PTCSC3: variants seen among roughly 807,000 people sequenced by gnomAD.
PTCSC3 encodes the protein papillary thyroid carcinoma susceptibility candidate 3 (non-protein coding).
chr14:36,168,341 G>C (rs191972667), intron 1 of PTCSC3, among the ~76,000 whole-genome samples: 3 of 139,444 alleles, frequency 2.2e-5, no homozygotes, highest in Non-Finnish European at 4.5e-5. Context: ...ATTATTGGGA[G>C]TTTAAACTAT....
intron 3 of PTCSC3, among the ~76,000 whole-genome samples, chr14:36,139,030 C>T (rs1160484614): frequency 6.7e-6 from 1 of 149,664 alleles, no homozygotes; most frequent in Non-Finnish European, 1.5e-5. Flanking sequence ...AGGAGAATGG[C>T]GTGAACCCAG....
intron 3 of PTCSC3, among the ~76,000 whole-genome samples, chr14:36,149,762 C>T (rs1300322502): frequency 6.6e-6 from 1 of 152,162 alleles, no homozygotes; most frequent in Non-Finnish European, 1.5e-5. Context: ...TATCTGAAAT[C>T]AACGTAGCTT....
At chr14:36,154,102 A>G (rs1881780021) in intron 2 of PTCSC3, among the ~76,000 whole-genome samples, 1 of 151,706 alleles carries the variant, frequency 6.6e-6, no homozygotes, top group Non-Finnish European at 1.5e-5. Context: ...ATATTAAGTG[A>G]GCGGAGACAG....
At chr14:36,155,661 T>G (rs1002388592) in intron 2 of PTCSC3, among the ~76,000 whole-genome samples, 13 of 152,252 alleles carry the variant, frequency 8.5e-5, no homozygotes, top group African/African-American at 2.4e-4. Flanking sequence ...TAAATTTGCT[T>G]GATTGAAAAT....
intron 1 of PTCSC3, among the ~76,000 whole-genome samples, chr14:36,170,504 G>A (rs1882171739): frequency 6.6e-6 from 1 of 151,992 alleles, no homozygotes; most frequent in African/African-American, 2.4e-5. Flanking sequence ...TTATATTACT[G>A]TAAGCATGCC....
chr14:36,167,079 G>A (rs771949086), intron 1 of PTCSC3, among the ~76,000 whole-genome samples: 2 of 152,076 alleles, frequency 1.3e-5, no homozygotes, highest in Non-Finnish European at 2.9e-5. Context: ...TTCTATGGCC[G>A]AGAAGGTCAA....
chr14:36,165,019 G>T (rs1169149), intron 1 of PTCSC3: 97,692 of 151,982 alleles, frequency 0.64, 32,074 homozygotes, highest in Non-Finnish European at 0.71. Flanking sequence ...GAAGTAACCT[G>T]GGGGTATCCG....
intron 3 of PTCSC3, among the ~76,000 whole-genome samples, chr14:36,141,224 T>C (rs1249781478): frequency 6.6e-6 from 1 of 152,224 alleles, no homozygotes; most frequent in East Asian, 1.9e-4. Flanking sequence ...CTGAGTGTTT[T>C]GTTTTTCCAT....
At chr14:36,154,800 G>A (rs2139100606) in intron 2 of PTCSC3, among the ~76,000 whole-genome samples, 1 of 152,272 alleles carries the variant, frequency 6.6e-6, no homozygotes, top group South Asian at 2.1e-4. Flanking sequence ...GGTTCCCTTT[G>A]GGATATCCAA....
chr14:36,168,710 G>A, intron 1 of PTCSC3, among the ~76,000 whole-genome samples: 1 of 152,012 alleles, frequency 6.6e-6, no homozygotes, highest in East Asian at 1.9e-4. Context: ...CAAACTCCTG[G>A]GCTTAAGTAA....
At chr14:36,165,523 ATCCCTTGTTTGC>A (rs1882068584) in intron 1 of PTCSC3, among the ~76,000 whole-genome samples, 1 of 151,994 alleles carries the variant, frequency 6.6e-6, no homozygotes, top group African/African-American at 2.4e-5. Flanking sequence ...TTAAAAATAA[ATCCCTTGTTTGC>A]AATCTATAAA....
At chr14:36,166,200 G>T (rs1005077510) in intron 1 of PTCSC3, among the ~76,000 whole-genome samples, 2 of 152,298 alleles carry the variant, frequency 1.3e-5, no homozygotes, top group Non-Finnish European at 2.9e-5. Context: ...ATATGTGAAA[G>T]TATTCTAGGC....
intron 3 of PTCSC3, among the ~76,000 whole-genome samples, chr14:36,152,777 C>T (rs1881750662): frequency 6.6e-6 from 1 of 151,768 alleles, no homozygotes; most frequent in African/African-American, 2.4e-5. Flanking sequence ...ACCTGTAATC[C>T]CAGCTACTTG....
At chr14:36,141,510 G>A (rs534539902) in intron 3 of PTCSC3, among the ~76,000 whole-genome samples, 6 of 151,706 alleles carry the variant, frequency 4.0e-5, no homozygotes, top group East Asian at 3.9e-4. Flanking sequence ...ATGCCACCAC[G>A]CCCAGCTAAT....
At chr14:36,164,814 TA>T (rs1882052755) in intron 1 of PTCSC3, among the ~76,000 whole-genome samples, 1 of 152,188 alleles carries the variant, frequency 6.6e-6, no homozygotes, top group Admixed American at 6.5e-5. Context: ...TGTAGAACAT[TA>T]ACAGAAAATG....
chr14:36,166,538 T>A (rs1223182324), intron 1 of PTCSC3, among the ~76,000 whole-genome samples: 1 of 152,170 alleles, frequency 6.6e-6, no homozygotes, highest in Non-Finnish European at 1.5e-5. Flanking sequence ...TCTTGGTTTT[T>A]TAATCAATAG....
rs1010428259 is a variant in PTCSC3 at position 36,142,033 on chromosome 14, T to C, written n.323-5677A>G. Among the ~76,000 whole-genome samples, 10 of 152,350 alleles carry C rather than the reference T, an allele frequency of 6.6e-5. No individual in the cohort carries two copies. In the Middle Eastern group the frequency reaches 0.014, roughly 207 times the overall value. Reference sequence around the variant, plus strand: ...CTTTTGTCTTCTTTTCTGGTCTTACTGCATTGGCTAGGATTTCAGTGTAAT... The same window carrying C: ...CTTTTGTCTTCTTTTCTGGTCTTACCGCATTGGCTAGGATTTCAGTGTAAT... On this transcript the variant is annotated intron_variant and non_coding_transcript_variant, in intron 3 of 3. Coordinates refer to ENST00000556013, the Ensembl canonical transcript of PTCSC3.
At chr14:36,152,498 C>G (rs1281984421) in intron 3 of PTCSC3, among the ~76,000 whole-genome samples, 1 of 151,672 alleles carries the variant, frequency 6.6e-6, no homozygotes, top group Non-Finnish European at 1.5e-5. Flanking sequence ...AATAAAACCA[C>G]AGAGTAGGTA....
At chr14:36,148,248 T>G (rs372167821) in intron 3 of PTCSC3, among the ~76,000 whole-genome samples, 14 of 152,136 alleles carry the variant, frequency 9.2e-5, no homozygotes, top group African/African-American at 3.1e-4. Flanking sequence ...AATGGCGGGC[T>G]CCCCTCCCCC....
Sources: gnomAD v4.1 joint callset for allele counts (sites outside exome capture counted in the v4.1 genomes callset) on GRCh38, gnomAD v4.1.1 for gene constraint, MANE v1.5 for transcripts, NCBI Gene and HGNC (gene_info 2026-07-23, HGNC 2026-07-21) for gene names.